Variants in SLIT3 observed in about 807,000 individuals in gnomAD.
The protein encoded by SLIT3 is slit homolog 3 protein.
SLIT3 carries 68 observed loss-of-function variants against 184.0 expected under a neutral mutation model. The ratio of observed to expected loss-of-function variants is 0.37; its 90% confidence interval spans 0.30 to 0.45. The LOEUF is 0.45. Among genes scored for constraint, SLIT3 ranks in the 20% least tolerant of loss-of-function variants. SLIT3 has a pLI of 1.00. For synonymous variants in SLIT3, 831 were observed against 828.6 expected (o/e 1.00, Z -0.05); for missense variants, 1,707 against 2,026.0 (o/e 0.84, Z 3.02).
rs1491410943 is a variant in SLIT3, at chr5:168,755,404, T to TCCTTC, written c.1686-1398_1686-1397insGAAGG. ...CAGTGCCGCCATTTCTTTCTTTCTT[T>TCCTTC]CTTTCTTTCTTTCTTTCTTTCTTTC... On this transcript the variant is annotated intron_variant, in intron 16 of 35. Transcript: ENST00000519560. 1.5e-4 allele frequency among the ~76,000 whole-genome samples: 3 copies of TCCTTC among 20,064 alleles called. No individual in the cohort carries two copies. In the East Asian group the frequency reaches 4.8e-3, roughly 32 times the overall value. 13.2% of individuals were successfully genotyped at this position (20,064 alleles called of 152,430 possible). A position where few individuals can be genotyped will look rare whatever the true frequency, so the allele number is the denominator to read the frequency against.
rs142195225 is a variant in SLIT3, at chr5:168,817,023, G to A, written c.793+277C>T. Among the ~76,000 whole-genome samples, 6 of 151,450 alleles carry A rather than the reference G, an allele frequency of 4.0e-5. No homozygotes were observed. In the East Asian group the frequency reaches 9.7e-4, roughly 25 times the overall value. ...CCATTTTATGTGTGGCTCAACAAAT[G>A]TTCGGTTTCTAGTATCAATGGACTA... On this transcript the variant is annotated intron_variant, in intron 8 of 35. Coordinates refer to ENST00000519560, the MANE Select transcript of SLIT3 (RefSeq NM_003062.4).
At chr5:168,923,640 T>C (rs7703204) in intron 4 of SLIT3, among the ~76,000 whole-genome samples, 92,879 of 151,774 alleles carry the variant, frequency 0.61, 29,576 homozygotes, top group African/African-American at 0.8. Context: ...CCTCGGCCTC[T>C]CAGTTAGCTG....
At chr5:168,991,336 G>C (rs1347247021) in intron 4 of SLIT3, among the ~76,000 whole-genome samples, 2 of 152,350 alleles carry the variant, frequency 1.3e-5, no homozygotes, top group South Asian at 4.1e-4. Flanking sequence ...GGAAGTGGTA[G>C]GAATAGAGTC....
At position 168,700,799 on chromosome 5, in the gene SLIT3, G is replaced by A. The variant is rs1017618025; in HGVS notation, c.2845-120C>T. ...GAGGCTGGGGAGATGACAACAAGGAGCCCCTAGGAAAGGCCTGCTGTGTGA... is the reference window on the plus strand; with the variant it reads ...GAGGCTGGGGAGATGACAACAAGGAACCCCTAGGAAAGGCCTGCTGTGTGA... On this transcript the variant is annotated intron_variant, in intron 26 of 35. Transcript: ENST00000519560. 8 of 729,086 alleles carry A rather than the reference G, an allele frequency of 1.1e-5. No homozygotes were observed. The African/African-American group carries it at 1.4e-4, about 13-fold the overall frequency. 45.2% of individuals were successfully genotyped at this position (729,086 alleles called of 1,614,324 possible). A position where few individuals can be genotyped will look rare whatever the true frequency, so the allele number is the denominator to read the frequency against.
At chr5:168,911,803 C>A (rs1351478254) in intron 4 of SLIT3, among the ~76,000 whole-genome samples, 1 of 152,146 alleles carries the variant, frequency 6.6e-6, no homozygotes, top group Non-Finnish European at 1.5e-5. Context: ...CTCTCTCTTG[C>A]CTCAATTATC....
At position 169,273,538 on chromosome 5, in the gene SLIT3, C is replaced by A. The variant is rs141659847; in HGVS notation, c.198-22079G>T. Among the ~76,000 whole-genome samples, 429 of 152,322 alleles carry A rather than the reference C, an allele frequency of 2.8e-3. 2 individuals carry two copies. The highest frequency in any genetic ancestry group is 9.9e-3 in the African/African-American group (412 of 41,574). ...GAGCTTTAACACTTGCTGCCCAGGC[C>A]ACACTGCAGACCAACTAAACCAGAA... On this transcript the variant is annotated intron_variant, in intron 1 of 35. Transcript: ENST00000519560.
At chr5:169,131,217 C>A (rs1486527368) in intron 4 of SLIT3, among the ~76,000 whole-genome samples, 2 of 152,208 alleles carry the variant, frequency 1.3e-5, no homozygotes, top group African/African-American at 4.8e-5. Context: ...AATAGTAAAA[C>A]ATACGAAAAT....
intron 4 of SLIT3, among the ~76,000 whole-genome samples, chr5:169,014,096 A>AAGGCAGGCAGGCAGGC (rs60057409): frequency 0.016 from 2,454 of 150,292 alleles, 68 homozygotes; most frequent in African/African-American, 0.046. Context: ...TGTGGGAAGG[A>AAGGCAGGCAGGCAGGC]AGGCAGGCAG....
At chr5:168,773,581 A>G (rs1331039470) in intron 13 of SLIT3, among the ~76,000 whole-genome samples, 1 of 151,914 alleles carries the variant, frequency 6.6e-6, no homozygotes, top group Non-Finnish European at 1.5e-5. Context: ...GGGTCTCCAG[A>G]AGCCCCGAGG....
intron 4 of SLIT3, among the ~76,000 whole-genome samples, chr5:169,060,896 CTT>C (rs1758153968): frequency 6.6e-6 from 1 of 152,310 alleles, no homozygotes; most frequent in South Asian, 2.1e-4. Context: ...TGCTGAATCT[CTT>C]TTCCAATCTA....
chr5:169,114,344 AGAT>A (rs1452073831), intron 4 of SLIT3, among the ~76,000 whole-genome samples: 1 of 152,230 alleles, frequency 6.6e-6, no homozygotes, highest in Non-Finnish European at 1.5e-5. Context: ...TCTGTTTTAC[AGAT>A]GATGAAGCTA....
chr5:168,825,158 T>C (rs1755989075), intron 6 of SLIT3, among the ~76,000 whole-genome samples: 2 of 152,286 alleles, frequency 1.3e-5, no homozygotes, highest in African/African-American at 2.4e-5. Context: ...GCTCAGTAAG[T>C]GGAGGCCACT....
intron 4 of SLIT3, among the ~76,000 whole-genome samples, chr5:169,137,331 C>CAGAGAGAGAGAGAGAGAGAGAG (rs766822479): frequency 7.6e-6 from 1 of 132,048 alleles, no homozygotes; most frequent in African/African-American, 3.0e-5. Flanking sequence ...CACACACACA[C>CAGAGAGAGAGAGAGAGAGAGAG]ACACAGAGAG....
chr5:168,933,818 A>G (rs1377156391), intron 4 of SLIT3, among the ~76,000 whole-genome samples: 2 of 152,244 alleles, frequency 1.3e-5, no homozygotes, highest in Non-Finnish European at 2.9e-5. Flanking sequence ...ATAAAGGAAA[A>G]GAAGATCTTC....
At chr5:168,897,646 G>GCGCGCGCACACACACACACACA in intron 4 of SLIT3, among the ~76,000 whole-genome samples, 115 of 105,440 alleles carry the variant, frequency 1.1e-3, no homozygotes, top group African/African-American at 4.6e-3. Flanking sequence ...ACAGGTGCAC[G>GCGCGCGCACACACACACACACA]TACACACACA....
intron 3 of SLIT3, among the ~76,000 whole-genome samples, chr5:169,220,164 C>T (rs374001001): frequency 1.3e-5 from 2 of 152,212 alleles, no homozygotes; most frequent in East Asian, 3.9e-4. Flanking sequence ...CCTGCCCTGT[C>T]CTTGGTACCC....
chr5:168,665,790 AC>A lies in SLIT3; in HGVS notation c.*663del, dbSNP rs1761015529. ...CAGATACCCTGAAGGGGGGTCTGGGACAGACAGGGACAGCAATATTTTTGAG... is the reference window on the plus strand; with the variant it reads ...CAGATACCCTGAAGGGGGGTCTGGGAAGACAGGGACAGCAATATTTTTGAG... On this transcript the variant is annotated 3_prime_UTR_variant, in exon 36 of 36. Coordinates refer to ENST00000519560, the MANE Select transcript of SLIT3 (RefSeq NM_003062.4). The A allele has an allele frequency of 6.6e-6, 1 of 152,360 alleles. No individual in the cohort carries two copies. The highest frequency in any genetic ancestry group is 1.5e-5 in the Non-Finnish European group (1 of 68,176). 9.4% of individuals were successfully genotyped at this position (152,360 alleles called of 1,614,324 possible). A position where few individuals can be genotyped will look rare whatever the true frequency, so the allele number is the denominator to read the frequency against.
At chr5:168,843,845 G>A (rs993593306) in intron 6 of SLIT3, among the ~76,000 whole-genome samples, 1 of 152,202 alleles carries the variant, frequency 6.6e-6, no homozygotes, top group Non-Finnish European at 1.5e-5. Flanking sequence ...CCTCCTGGGA[G>A]TTAGGTTTTC....
At chr5:168,725,268 C>A (rs1763071995) in intron 20 of SLIT3, among the ~76,000 whole-genome samples, 1 of 152,168 alleles carries the variant, frequency 6.6e-6, no homozygotes, top group Admixed American at 6.5e-5. Context: ...ATGAGGCCGC[C>A]TCCTTAGAGA....
Sources: gnomAD v4.1 joint callset for allele counts (sites outside exome capture counted in the v4.1 genomes callset) on GRCh38, gnomAD v4.1.1 for gene constraint, MANE v1.5 for transcripts, NCBI Gene and HGNC (gene_info 2026-07-23, HGNC 2026-07-21) for gene names.